GPAM: variants seen among roughly 807,000 people sequenced by gnomAD.
GPAM encodes glycerol-3-phosphate acyltransferase, mitochondrial.
GPAM carries 56 observed loss-of-function variants against 105.0 expected under a neutral mutation model. The observed-to-expected ratio is 0.53, with a 90% CI of 0.43 to 0.67. The LOEUF (loss-of-function observed/expected upper bound fraction) is 0.67. GPAM is among the 30% of genes least tolerant of loss of function. The probability of loss-of-function intolerance (pLI) is 0.00; values close to 1 mark genes in which losing one functional copy is unlikely to be tolerated. For synonymous variants in GPAM, 368 were observed against 354.4 expected, an observed-to-expected ratio of 1.04 and a Z score of -0.43; for missense variants, 855 against 989.8, an observed-to-expected ratio of 0.86 and a Z score of 1.83.
chr10:112,211,037 G>C (rs944380549), intron 1 of GPAM, among the ~76,000 whole-genome samples: 1 of 152,228 alleles, frequency 6.6e-6, no homozygotes, highest in African/African-American at 2.4e-5. Context: ...TGCTTGGAGA[G>C]GAAGGACACA....
the GPAM span, among the ~76,000 whole-genome samples, chr10:112,227,085 A>G: frequency 6.6e-6 from 1 of 152,156 alleles, no homozygotes; most frequent in Admixed American, 6.5e-5. Context: ...CCCCTCAGGC[A>G]TGCCACTCTC....
intron 7 of GPAM, among the ~76,000 whole-genome samples, chr10:112,173,383 T>C (rs532400785): frequency 1.3e-5 from 2 of 152,160 alleles, no homozygotes; most frequent in African/African-American, 2.4e-5. Flanking sequence ...GAATGATCCC[T>C]CTGATGTACA....
At chr10:112,210,208 C>T (rs1280911520) in intron 1 of GPAM, among the ~76,000 whole-genome samples, 1 of 152,200 alleles carries the variant, frequency 6.6e-6, no homozygotes, top group Admixed American at 6.5e-5. Context: ...TTTCCTCTTA[C>T]GAGCTGTTGG....
At chr10:112,209,592 T>C (rs990476122) in intron 1 of GPAM, among the ~76,000 whole-genome samples, 1 of 152,168 alleles carries the variant, frequency 6.6e-6, no homozygotes, top group Non-Finnish European at 1.5e-5. Context: ...GCCAGCCTCC[T>C]GCCTGCTGCT....
upstream of GPAM, among the ~76,000 whole-genome samples, chr10:112,188,072 T>G (rs991901989): frequency 6.6e-6 from 1 of 152,000 alleles, no homozygotes; most frequent in African/African-American, 2.4e-5. Context: ...CTAAAACACC[T>G]ATACTAGAAA....
Position 112,150,844 on chromosome 10 carries a change from C to G in GPAM, c.*2706G>C. 1.0e-6 allele frequency: 1 copy of G among 984,866 alleles called. No homozygotes were observed. The highest frequency in any genetic ancestry group is 1.2e-6 in the Non-Finnish European group (1 of 829,426). The allele number at this position is 984,866 out of a possible 1,614,324, so 61.0% of individuals were successfully genotyped here. ...GCTATGGGAAATGCTTTTCCCCATCCAGGTTACTGGCAATTCCACAATTTG... is the reference window on the plus strand; with the variant it reads ...GCTATGGGAAATGCTTTTCCCCATCGAGGTTACTGGCAATTCCACAATTTG... On this transcript the variant is annotated 3_prime_UTR_variant, in exon 22 of 22. Coordinates refer to ENST00000348367, the MANE Select transcript of GPAM (RefSeq NM_001244949.2).
rs1201243893 is a variant in GPAM, at chr10:112,213,226, T to G, written n.210+1942A>C. Among the ~76,000 whole-genome samples, 6 of 152,170 alleles carry G rather than the reference T, an allele frequency of 3.9e-5. No homozygotes were observed. The East Asian group carries it at 1.2e-3, about 29-fold the overall frequency. On this transcript the variant is annotated intron_variant and non_coding_transcript_variant, in intron 1 of 3. Transcript: ENST00000480130. ...ACTGGCTCTTTCAGCCCTAGAGTGGTCATGATGACATAGATGTAAAGAAAA... is the reference window on the plus strand; with the variant it reads ...ACTGGCTCTTTCAGCCCTAGAGTGGGCATGATGACATAGATGTAAAGAAAA...
At chr10:112,182,932 G>C (rs1847534266) in intron 1 of GPAM, 41 bp from the exon 2 acceptor site, 1 of 152,272 alleles carries the variant, frequency 6.6e-6, no homozygotes, top group Non-Finnish European at 1.5e-5. Context: ...AGAGGACAAA[G>C]AGGCTCGTTT....
chr10:112,214,416 C>T (rs573133947), intron 1 of GPAM: 1 of 152,312 alleles, frequency 6.6e-6, no homozygotes, highest in East Asian at 1.9e-4. Flanking sequence ...CCAGCCAAAC[C>T]TAACAGAGAG....
intron 1 of GPAM, among the ~76,000 whole-genome samples, chr10:112,211,534 C>T (rs906544723): frequency 3.3e-5 from 5 of 152,148 alleles, no homozygotes; most frequent in East Asian, 3.9e-4. Context: ...CCCACCCCAT[C>T]GAAACTAGGT....
upstream of GPAM, among the ~76,000 whole-genome samples, chr10:112,187,820 G>C (rs532135550): frequency 6.6e-5 from 10 of 152,106 alleles, no homozygotes; most frequent in South Asian, 2.1e-3. Flanking sequence ...AACAAGTCTT[G>C]ATGCACATAT....
Position 112,153,625 on chromosome 10 carries a change from T to C in GPAM, c.2412A>G (p.Glu804=), listed in dbSNP as rs542202549. 1 of 1,613,216 alleles carries C rather than the reference T, an allele frequency of 6.2e-7. No individual in the cohort carries two copies. The highest frequency in any genetic ancestry group is 1.1e-5 in the South Asian group (1 of 91,074). ...ETKQKRVSVL[E]LSSTFLPQCN... ...ATTGAGGTAGAAAAGTGCTGCTCAG[T>C]TCTAAAACAGACACTCTCTTTTGTT... is the stretch of plus-strand genomic sequence containing the variant. Residue 804 remains glutamate, a synonymous_variant, in exon 22 of 22, where the codon GAA becomes GAG. Coordinates refer to ENST00000348367, the MANE Select transcript of GPAM (RefSeq NM_001244949.2).
At chr10:112,208,992 C>A (rs76759472) in intron 1 of GPAM, among the ~76,000 whole-genome samples, 4,354 of 152,180 alleles carry the variant, frequency 0.029, 73 homozygotes, top group Non-Finnish European at 0.033. Context: ...GATTTGAGAC[C>A]CAGCTGGAAT....
At chr10:112,222,927 C>G in the GPAM span, among the ~76,000 whole-genome samples, 1 of 152,066 alleles carries the variant, frequency 6.6e-6, no homozygotes, top group East Asian at 1.9e-4. Context: ...TCTGCAGGTG[C>G]CTGGTTGACT....
intron 1 of GPAM, among the ~76,000 whole-genome samples, chr10:112,200,254 G>T (rs922827880): frequency 8.1e-4 from 119 of 147,654 alleles, no homozygotes; most frequent in African/African-American, 2.8e-3. Context: ...TAGAGAGAGA[G>T]AGAGAGAGAG....
chr10:112,182,941 T>G (rs920876100), intron 1 of GPAM, 50 bp from the exon 2 acceptor site: 2 of 152,242 alleles, frequency 1.3e-5, no homozygotes, highest in African/African-American at 4.8e-5. Flanking sequence ...AGAGGCTCGT[T>G]TGTGCCAACA....
chr10:112,194,890 A>G (rs1847705304), intron 1 of GPAM, among the ~76,000 whole-genome samples: 1 of 152,148 alleles, frequency 6.6e-6, no homozygotes, highest in Non-Finnish European at 1.5e-5. Flanking sequence ...GAAGTTCTTG[A>G]CTTTTTCCTG....
At chr10:112,173,873 TG>T in intron 6 of GPAM, 28 bp from the exon 7 acceptor site, 1 of 1,585,316 alleles carries the variant, frequency 6.3e-7, no homozygotes, top group Non-Finnish European at 8.7e-7. Context: ...AAAGAGACAA[TG>T]TAATTGTTTC....
intron 5 of GPAM, among the ~76,000 whole-genome samples, chr10:112,176,597 CCTTT>C (rs1241873742): frequency 3.3e-5 from 5 of 152,304 alleles, no homozygotes; most frequent in East Asian, 1.9e-4. Context: ...TTCCTCCCTT[CCTTT>C]GTCTAAATCT....
Sources: allele counts gnomAD v4.1 joint callset (sites outside exome capture counted in the v4.1 genomes callset), GRCh38; gene constraint gnomAD v4.1.1; transcripts MANE v1.5; gene names NCBI Gene and HGNC (gene_info 2026-07-23, HGNC 2026-07-21).